The following LCOR variants were observed in gnomAD, a reference collection of about 807,000 sequenced individuals.
The protein encoded by LCOR is ligand-dependent corepressor.
A neutral mutation model predicts 64.4 loss-of-function variants in LCOR; 14 were observed. The ratio of observed to expected loss-of-function variants is 0.22; its 90% CI spans 0.14 to 0.34. The LOEUF (loss-of-function observed/expected upper bound fraction) is 0.34, where lower values mean the gene tolerates loss of function less well. Among genes scored for constraint, LCOR ranks in the 10% least tolerant of loss-of-function variants. The pLI is 1.00. For synonymous variants in LCOR, 643 were observed against 642.5 expected (o/e 1.00, Z -0.01); for missense variants, 1,686 against 1,765.3 (o/e 0.96, Z 0.80).
At position 96,889,836 on chromosome 10, in the gene LCOR, G is replaced by A. The variant is rs569595030; in HGVS notation, c.-329-17429G>A. 7.2e-5 allele frequency among the ~76,000 whole-genome samples: 11 copies of A among 152,222 alleles called. No individual in the cohort carries two copies. In the South Asian group the frequency reaches 1.7e-3, roughly 23 times the overall value. On this transcript the variant is annotated intron_variant, in intron 2 of 7. Coordinates refer to ENST00000421806, the MANE Select transcript of LCOR (RefSeq NM_001346516.2). ...AGTGTTTCCGCTGTCAGGTTATTAT[G>A]AATAATGCTGCTGTTCAATACTGCT...
intron 2 of LCOR, among the ~76,000 whole-genome samples, chr10:96,894,559 T>A (rs1040170183): frequency 2.0e-5 from 3 of 152,220 alleles, no homozygotes; most frequent in African/African-American, 7.2e-5. Context: ...CAGTAGCTAA[T>A]CATTGAACCT....
Position 96,992,103 on chromosome 10 carries a change from A to T in LCOR, c.*6969A>T, listed in dbSNP as rs1009877261. The T allele has an allele frequency of 6.6e-6, 1 of 152,058 alleles. No individual in the cohort carries two copies. Among genetic ancestry groups the T allele is most frequent in the Non-Finnish European group, 1.5e-5 (1 of 68,012 alleles). The allele number at this position is 152,058 out of a possible 1,614,324, so 9.4% of individuals were successfully genotyped here. A position where few individuals can be genotyped will look rare whatever the true frequency, so the allele number is the denominator to read the frequency against. The stretch of plus-strand genomic sequence containing the variant: ...AGACTATACCAACAAGATTTGCATA[A>T]TTTTTTATATTTATACCACAGGTAG... On this transcript the variant is annotated 3_prime_UTR_variant, in exon 8 of 8. Coordinates refer to ENST00000421806, the MANE Select transcript of LCOR (RefSeq NM_001346516.2).
At chr10:96,838,575 T>C (rs1354030019) in intron 2 of LCOR, among the ~76,000 whole-genome samples, 1 of 152,258 alleles carries the variant, frequency 6.6e-6, no homozygotes, top group Non-Finnish European at 1.5e-5. Context: ...ATTGGAGTCA[T>C]ACAATATATG....
At chr10:96,859,515 A>T (rs1845854703) in intron 2 of LCOR, among the ~76,000 whole-genome samples, 1 of 151,864 alleles carries the variant, frequency 6.6e-6, no homozygotes, top group Non-Finnish European at 1.5e-5. Flanking sequence ...CCCAGCCTAG[A>T]CTTGTATCAT....
chr10:96,984,438 A>G lies in LCOR; in HGVS notation c.3978A>G (p.Leu1326=), dbSNP rs1439066546. The part of the protein sequence containing the change: ...IRGKLRAQQR[L]IKNEKMECPD... ...GAAAGCTCAGAGCCCAGCAACGTTT[A>G]ATCAAGAATGAGAAAATGGAATGCC... The change falls in exon 8 of 8, where the codon TTA becomes TTG. Residue 1326 remains leucine, a synonymous_variant. Transcript: ENST00000421806. The G allele has an allele frequency of 1.9e-6, 3 of 1,614,252 alleles. No homozygotes were observed. The highest frequency in any genetic ancestry group is 1.1e-5 in the South Asian group (1 of 91,092).
chr10:96,871,859 A>G (rs1298251106), intron 2 of LCOR, among the ~76,000 whole-genome samples: 3 of 152,200 alleles, frequency 2.0e-5, no homozygotes, highest in Non-Finnish European at 4.4e-5. Context: ...TTTGGGAGGT[A>G]TATCTTACAA....
intron 2 of LCOR, among the ~76,000 whole-genome samples, chr10:96,852,354 G>T (rs865930622): frequency 1.2e-4 from 18 of 152,144 alleles, no homozygotes; most frequent in African/African-American, 4.3e-4. Flanking sequence ...CCCAGGAGGC[G>T]GAGGTTGCAG....
At chr10:96,931,073 A>G (rs1460263045) in intron 4 of LCOR, among the ~76,000 whole-genome samples, 1 of 152,076 alleles carries the variant, frequency 6.6e-6, no homozygotes, top group Non-Finnish European at 1.5e-5. Flanking sequence ...ATAAAAGTGT[A>G]TATTTGTAAA....
intron 4 of LCOR, among the ~76,000 whole-genome samples, chr10:96,940,160 T>G (rs968274726): frequency 6.6e-6 from 1 of 152,168 alleles, no homozygotes; most frequent in African/African-American, 2.4e-5. Context: ...TGTGGAGAAG[T>G]CAGAACCCTT....
At chr10:96,955,007 G>A (rs1305447799) in intron 7 of LCOR, 10 of 1,613,822 alleles carry the variant, frequency 6.2e-6, no homozygotes, top group Non-Finnish European at 7.6e-6. Flanking sequence ...GTGGTGATGG[G>A]GTACCTCCAA....
rs555588359 is a variant in LCOR, at chr10:96,835,658, A to G, written c.-330+2179A>G. Among the ~76,000 whole-genome samples, 116 of 152,252 alleles carry G rather than the reference A, an allele frequency of 7.6e-4. 1 individual carries two copies. Among genetic ancestry groups the G allele is most frequent in the African/African-American group, 2.5e-3 (102 of 41,550 alleles). Reference sequence around the variant, plus strand: ...ACGGTCAACCTGTTTGTTTCTCTTGACTGATTATCTTAATACTTTAGGGTC... The same window carrying G: ...ACGGTCAACCTGTTTGTTTCTCTTGGCTGATTATCTTAATACTTTAGGGTC... On this transcript the variant is annotated intron_variant, in intron 2 of 7. Coordinates refer to ENST00000421806, the MANE Select transcript of LCOR (RefSeq NM_001346516.2).
intron 2 of LCOR, among the ~76,000 whole-genome samples, chr10:96,846,816 T>C (rs1049119749): frequency 3.9e-5 from 6 of 152,194 alleles, no homozygotes; most frequent in African/African-American, 1.2e-4. Flanking sequence ...TACAATCTTA[T>C]CTAAAAGAGA....
chr10:96,862,172 C>G (rs955218809), intron 2 of LCOR, among the ~76,000 whole-genome samples: 1 of 152,234 alleles, frequency 6.6e-6, no homozygotes, highest in Non-Finnish European at 1.5e-5. Flanking sequence ...CCTGGGCACA[C>G]TACTCTCCAG....
At chr10:96,835,199 GC>G (rs1417594171) in intron 2 of LCOR, among the ~76,000 whole-genome samples, 1 of 147,572 alleles carries the variant, frequency 6.8e-6, no homozygotes, top group African/African-American at 2.6e-5. Context: ...ACTGTGCCCG[GC>G]CGTGTTTTTG....
At chr10:96,884,281 A>G (rs1180473851) in intron 2 of LCOR, among the ~76,000 whole-genome samples, 1 of 152,360 alleles carries the variant, frequency 6.6e-6, no homozygotes, top group East Asian at 1.9e-4. Flanking sequence ...GCAAATAGCA[A>G]TAGATATAAT....
At chr10:96,948,935 T>G (rs895831860) in intron 5 of LCOR, 73 bp from the exon 6 acceptor site, 4 of 1,139,468 alleles carry the variant, frequency 3.5e-6, no homozygotes, top group Non-Finnish European at 4.9e-6. Flanking sequence ...AAAATGAAAT[T>G]TTATGTTTAC....
intron 2 of LCOR, among the ~76,000 whole-genome samples, chr10:96,855,761 A>G (rs1845792732): frequency 7.2e-6 from 1 of 139,180 alleles, no homozygotes; most frequent in African/African-American, 2.8e-5. Context: ...TTTTGTTTTG[A>G]GACGGAGTCT....
At chr10:96,914,356 C>A (rs1011566529) in intron 4 of LCOR, among the ~76,000 whole-genome samples, 4 of 152,166 alleles carry the variant, frequency 2.6e-5, no homozygotes, top group African/African-American at 9.7e-5. Flanking sequence ...CACCACCACA[C>A]CTGGCTAATT....
At chr10:96,866,346 T>G (rs929392107) in intron 2 of LCOR, among the ~76,000 whole-genome samples, 12 of 152,202 alleles carry the variant, frequency 7.9e-5, no homozygotes, top group African/African-American at 2.9e-4. Context: ...GTTCATTCTT[T>G]TCTATTTCTG....
Sources: gnomAD v4.1 joint callset for allele counts (sites outside exome capture counted in the v4.1 genomes callset) on GRCh38, gnomAD v4.1.1 for gene constraint, MANE v1.5 for transcripts, NCBI Gene and HGNC (gene_info 2026-07-23, HGNC 2026-07-21) for gene names.